Variants in IL1RAPL1 observed in about 807,000 individuals in gnomAD.
IL1RAPL1 encodes interleukin 1 receptor accessory protein like 1, also known as interleukin-1 receptor accessory protein-like 1.
IL1RAPL1 carries 3 observed loss-of-function variants against 48.4 expected under a neutral mutation model. That is an observed-to-expected ratio of 0.06 (90% CI 0.03 to 0.16). IL1RAPL1 has a LOEUF of 0.16. Among genes scored for constraint, IL1RAPL1 ranks in the 10% least tolerant of loss-of-function variants. The probability of loss-of-function intolerance (pLI) is 1.00; values close to 1 mark genes in which losing one functional copy is unlikely to be tolerated. For missense variants in IL1RAPL1, 349 were observed against 530.6 expected (o/e 0.66, Z 3.36); for synonymous variants, 185 against 187.7 (o/e 0.99, Z 0.12).
chrX:29,161,073 AG>A (rs1929675351), intron 2 of IL1RAPL1, among the ~76,000 whole-genome samples: 1 of 110,653 alleles, frequency 9.0e-6, no homozygotes, highest in Admixed American at 9.7e-5. Flanking sequence ...AAAAAAAAAA[AG>A]TGTGATAACT....
chrX:29,521,782 G>T (rs1602276865), intron 5 of IL1RAPL1, among the ~76,000 whole-genome samples: 1 of 111,933 alleles, frequency 8.9e-6, no homozygotes, highest in African/African-American at 3.3e-5. Context: ...CATATTGTTG[G>T]CTCCCTATAA....
intron 5 of IL1RAPL1, among the ~76,000 whole-genome samples, chrX:29,475,880 A>G (rs1312474187): frequency 1.8e-5 from 2 of 109,922 alleles, no homozygotes; most frequent in African/African-American, 3.3e-5. Flanking sequence ...TTTAATATAT[A>G]TCTGATGATG....
At chrX:29,409,478 T>G in intron 5 of IL1RAPL1, among the ~76,000 whole-genome samples, 1 of 111,962 alleles carries the variant, frequency 8.9e-6, no homozygotes. Flanking sequence ...ATGAGTGGTT[T>G]CCAATAACTG....
At chrX:29,247,619 T>C (rs749809845) in intron 2 of IL1RAPL1, among the ~76,000 whole-genome samples, 9 of 109,996 alleles carry the variant, frequency 8.2e-5, no homozygotes, top group African/African-American at 2.3e-4. Context: ...CTGTCTCTAC[T>C]AAAATTACAA....
At chrX:28,846,578 G>A (rs1196523969) in intron 2 of IL1RAPL1, among the ~76,000 whole-genome samples, 1 of 111,290 alleles carries the variant, frequency 9.0e-6, no homozygotes, top group Non-Finnish European at 1.9e-5. Context: ...CCGTATTCTT[G>A]CCAGCATTTT....
At chrX:28,737,227 CTTTCTT>C (rs1569161976) in intron 1 of IL1RAPL1, among the ~76,000 whole-genome samples, 14 of 81,565 alleles carry the variant, frequency 1.7e-4, no homozygotes, top group East Asian at 7.7e-4. Flanking sequence ...TTCTTTCTTT[CTTTCTT>C]TCTTTCTTTC....
chrX:29,015,829 A>G (rs1370189056), intron 2 of IL1RAPL1, among the ~76,000 whole-genome samples: 1 of 110,808 alleles, frequency 9.0e-6, no homozygotes, highest in African/African-American at 3.2e-5. Context: ...TTGAAATAAC[A>G]GGACATTCTG....
intron 5 of IL1RAPL1, among the ~76,000 whole-genome samples, chrX:29,506,930 C>T (rs1935337323): frequency 9.0e-6 from 1 of 110,783 alleles, no homozygotes; most frequent in Admixed American, 9.5e-5. Context: ...AGTTTGGAAA[C>T]CATGAGTTGT....
intron 9 of IL1RAPL1, 72 bp downstream of exon 9, chrX:29,941,866 G>C: frequency 1.0e-6 from 1 of 999,579 alleles, no homozygotes; most frequent in Admixed American, 2.3e-5. Flanking sequence ...TTATTAAGGG[G>C]AAAAAAATTA....
chrX:29,610,885 G>GAC (rs761699603), intron 5 of IL1RAPL1, among the ~76,000 whole-genome samples: 17 of 111,971 alleles, frequency 1.5e-4, no homozygotes, highest in African/African-American at 4.9e-4. Context: ...AAGTGTTGAG[G>GAC]ACTAAGCTCT....
chrX:29,424,877 C>T (rs921693801), intron 5 of IL1RAPL1, among the ~76,000 whole-genome samples: 2 of 111,615 alleles, frequency 1.8e-5, no homozygotes, highest in Admixed American at 1.9e-4. Flanking sequence ...GTGATGGTTA[C>T]CCTTTTTGAA....
intron 2 of IL1RAPL1, among the ~76,000 whole-genome samples, chrX:29,174,670 A>C (rs1569252234): frequency 1.3e-5 from 1 of 77,529 alleles, no homozygotes; most frequent in African/African-American, 4.0e-5. Flanking sequence ...AGTAAAGTAC[A>C]GAAAAAAAAC....
intron 6 of IL1RAPL1, among the ~76,000 whole-genome samples, chrX:29,675,555 G>T (rs1926257616): frequency 8.9e-6 from 1 of 112,100 alleles, no homozygotes; most frequent in African/African-American, 3.2e-5. Flanking sequence ...GAGGTGGAGG[G>T]GGTCTGGAAG....
chrX:28,804,567 C>T (rs1043943065), intron 2 of IL1RAPL1, among the ~76,000 whole-genome samples: 2 of 111,217 alleles, frequency 1.8e-5, no homozygotes, highest in African/African-American at 6.5e-5. Flanking sequence ...TCTTGTTGCT[C>T]CTTCCTGAAC....
intron 5 of IL1RAPL1, among the ~76,000 whole-genome samples, chrX:29,429,894 GGTGT>G (rs1556011349): frequency 8.9e-4 from 76 of 85,102 alleles, no homozygotes; most frequent in Non-Finnish European, 1.1e-3. Context: ...GTGTGTGTGT[GGTGT>G]GTGTGTGTGT....
At chrX:29,479,302 C>T (rs1042450757) in intron 5 of IL1RAPL1, among the ~76,000 whole-genome samples, 39 of 105,834 alleles carry the variant, frequency 3.7e-4, no homozygotes, top group African/African-American at 1.2e-3. Context: ...GTGGTCCCAG[C>T]TACTCGGGAG....
chrX:29,675,092 G>T (rs1926241807), intron 6 of IL1RAPL1, among the ~76,000 whole-genome samples: 1 of 112,334 alleles, frequency 8.9e-6, no homozygotes, highest in South Asian at 3.7e-4. Flanking sequence ...ATCCAGTAAT[G>T]GGATTGCTGG....
intron 2 of IL1RAPL1, among the ~76,000 whole-genome samples, chrX:29,038,835 G>C (rs1926781915): frequency 9.0e-6 from 1 of 110,934 alleles, no homozygotes; most frequent in Non-Finnish European, 1.9e-5. Context: ...GGATTCCTTA[G>C]TGGGCTTCTA....
At chrX:29,004,356 G>A (rs140882201) in intron 2 of IL1RAPL1, among the ~76,000 whole-genome samples, 3,663 of 112,065 alleles carry the variant, frequency 0.033, 61 homozygotes, top group Middle Eastern at 0.056. Flanking sequence ...AGACAAAAAT[G>A]TAGTTTGAGA....
Sources: gnomAD v4.1 joint callset for allele counts (sites outside exome capture counted in the v4.1 genomes callset) on GRCh38, gnomAD v4.1.1 for gene constraint, MANE v1.5 for transcripts, NCBI Gene and HGNC (gene_info 2026-07-23, HGNC 2026-07-21) for gene names.